RSBN1L: variants seen among roughly 807,000 people sequenced by gnomAD.
The protein encoded by RSBN1L is round spermatid basic protein 1 like.
Under a neutral mutation model 67.7 loss-of-function variants are expected in RSBN1L, and 30 were observed. The ratio of observed to expected loss-of-function variants is 0.44; its 90% confidence interval spans 0.33 to 0.60. The LOEUF is 0.60. Among genes scored for constraint, RSBN1L ranks in the 20% least tolerant of loss-of-function variants. The pLI is 0.02. For missense variants in RSBN1L, 992 were observed against 1,031.7 expected, an observed-to-expected ratio of 0.96 and a Z score of 0.53; for synonymous variants, 433 against 387.0, an observed-to-expected ratio of 1.12 and a Z score of -1.39.
At position 77,782,565 on chromosome 7, in the gene RSBN1L, C is replaced by T. The variant is rs189768502; in HGVS notation, c.*3397C>T. ...TTCATTATCTTCCTTGTCACCAAGG[C>T]TGTTGACCTTAAATAAACATTAAGT... On this transcript the variant is annotated 3_prime_UTR_variant, in exon 8 of 8. Coordinates refer to ENST00000334955, the MANE Select transcript of RSBN1L (RefSeq NM_198467.3). The T allele has an allele frequency of 2.3e-4, 35 of 152,294 alleles. No homozygotes were observed. The highest frequency in any genetic ancestry group is 7.9e-4 in the African/African-American group (33 of 41,560). The allele number at this position is 152,294 out of a possible 1,614,324, so 9.4% of individuals were successfully genotyped here.
At chr7:77,769,712 C>T (rs1791820724) in intron 5 of RSBN1L, among the ~76,000 whole-genome samples, 1 of 152,116 alleles carries the variant, frequency 6.6e-6, no homozygotes, top group African/African-American at 2.4e-5. Flanking sequence ...CAAGTGTAAA[C>T]AACCCAGTAG....
chr7:77,771,437 T>C (rs1791848583), intron 5 of RSBN1L, among the ~76,000 whole-genome samples: 1 of 152,060 alleles, frequency 6.6e-6, no homozygotes, highest in Non-Finnish European at 1.5e-5. Flanking sequence ...TGCTTAATAT[T>C]GGATGAATAA....
chr7:77,735,565 A>G (rs1179313592), intron 1 of RSBN1L, among the ~76,000 whole-genome samples: 1 of 152,192 alleles, frequency 6.6e-6, no homozygotes, highest in Non-Finnish European at 1.5e-5. Context: ...TTAAGAGATT[A>G]TGCAGTATGC....
At position 77,736,411 on chromosome 7, in the gene RSBN1L, T is replaced by G. The variant is rs759199747; in HGVS notation, c.588T>G (p.Asp196Glu). The change falls in exon 2 of 8, where the codon GAT becomes GAG. Residue 196 changes from aspartate (D) to glutamate (E), a missense_variant and splice_region_variant. Transcript: ENST00000334955. Reference sequence around the variant, plus strand: ...TATTTCCTTTGTTTTGTCTTCCAGATAAAATCAAAGACAAAATTAAAGAGA... The same window carrying G: ...TATTTCCTTTGTTTTGTCTTCCAGAGAAAATCAAAGACAAAATTAAAGAGA... Reference protein sequence around the residue: ...ENGEVKPLPRDKIKDKIKERD... With the variant: ...ENGEVKPLPREKIKDKIKERD... 2 of 1,022,148 alleles carry G rather than the reference T, an allele frequency of 2.0e-6. No individual in the cohort carries two copies. The highest frequency in any genetic ancestry group is 3.8e-5 in the Admixed American group (1 of 26,398). The allele number at this position is 1,022,148 out of a possible 1,614,324, so 63.3% of individuals were successfully genotyped here. A position where few individuals can be genotyped will look rare whatever the true frequency, so the allele number is the denominator to read the frequency against.
chr7:77,717,726 AG>A (rs986012178), intron 1 of RSBN1L, among the ~76,000 whole-genome samples: 4 of 152,216 alleles, frequency 2.6e-5, no homozygotes, highest in African/African-American at 9.6e-5. Flanking sequence ...CAGTTAAGAA[AG>A]GGACAAGGTC....
intron 1 of RSBN1L, among the ~76,000 whole-genome samples, chr7:77,726,031 T>A (rs887762988): frequency 1.3e-5 from 2 of 152,188 alleles, no homozygotes; most frequent in African/African-American, 4.8e-5. Context: ...TACATGTGTA[T>A]CTGTCTGTAT....
intron 2 of RSBN1L, among the ~76,000 whole-genome samples, chr7:77,741,207 G>A (rs1791405890): frequency 6.6e-6 from 1 of 151,212 alleles, no homozygotes; most frequent in South Asian, 2.1e-4. Context: ...GGCTGGTCTC[G>A]AACTCCTGAC....
At chr7:77,714,842 A>G (rs1791025071) in intron 1 of RSBN1L, among the ~76,000 whole-genome samples, 1 of 151,790 alleles carries the variant, frequency 6.6e-6, no homozygotes, top group Non-Finnish European at 1.5e-5. Context: ...AGGCGCCTGT[A>G]GTCCCAGCTA....
At chr7:77,764,874 G>A (rs747562718) in intron 3 of RSBN1L, among the ~76,000 whole-genome samples, 2 of 151,974 alleles carry the variant, frequency 1.3e-5, no homozygotes, top group African/African-American at 2.4e-5. Context: ...CTCATGATCC[G>A]CCTGCCTTGG....
intron 2 of RSBN1L, among the ~76,000 whole-genome samples, chr7:77,742,011 G>T (rs960636908): frequency 2.0e-5 from 3 of 151,816 alleles, no homozygotes; most frequent in Non-Finnish European, 2.9e-5. Flanking sequence ...CTCAGCATAT[G>T]GTTGTACTTA....
At chr7:77,750,715 T>A (rs1259303960) in intron 3 of RSBN1L, among the ~76,000 whole-genome samples, 1 of 152,206 alleles carries the variant, frequency 6.6e-6, no homozygotes, top group Non-Finnish European at 1.5e-5. Context: ...TGGGACTGTT[T>A]AGTCTGGAGA....
chr7:77,732,099 G>T (rs1791279121), intron 1 of RSBN1L, among the ~76,000 whole-genome samples: 2 of 152,036 alleles, frequency 1.3e-5, no homozygotes, highest in African/African-American at 4.8e-5. Flanking sequence ...TATGGTGTTA[G>T]AATTCTTACT....
intron 6 of RSBN1L, among the ~76,000 whole-genome samples, chr7:77,774,124 G>A (rs1791881257): frequency 6.6e-6 from 1 of 152,056 alleles, no homozygotes; most frequent in Non-Finnish European, 1.5e-5. Context: ...TCTTTGTTAT[G>A]TATTTGCTTT....
In RSBN1L at chr7:77,761,324, T is replaced by C. The variant is rs1352243512; in HGVS notation, c.1345-4171T>C. On this transcript the variant is annotated intron_variant, in intron 3 of 7. Transcript: ENST00000334955. ...AGAGTAGTTACGATTGTGCCTAATA[T>C]AGGAACTGATAGGTAAGAAGAAGAA... Among the ~76,000 whole-genome samples the C allele has an allele frequency of 4.6e-5, 7 of 152,188 alleles. 1 individual carries two copies. The East Asian group carries it at 1.2e-3, about 25-fold the overall frequency.
chr7:77,739,045 A>T (rs1791373617), intron 2 of RSBN1L, among the ~76,000 whole-genome samples: 1 of 152,214 alleles, frequency 6.6e-6, no homozygotes, highest in African/African-American at 2.4e-5. Flanking sequence ...TTGGGAAAAC[A>T]GTGCTTGTCG....
rs1791337814 is a variant in RSBN1L at position 77,736,494 on chromosome 7, AAG to A, written c.675_676del (p.Asn226TrpfsTer24). 1 of 1,306,254 alleles carries A rather than the reference AAG, an allele frequency of 7.7e-7. No homozygotes were observed. The highest frequency in any genetic ancestry group is 1.0e-6 in the Non-Finnish European group (1 of 953,908). 80.9% of individuals were successfully genotyped at this position (1,306,254 alleles called of 1,614,324 possible). A position where few individuals can be genotyped will look rare whatever the true frequency, so the allele number is the denominator to read the frequency against. The stretch of plus-strand genomic sequence containing the variant: ...CATAAAGTAATGAATGAGATCAAGA[AAG>A]AGAATGGAGAAGTAAAGATTTTGCT... On this transcript the variant is annotated frameshift_variant, in exon 2 of 8. Coordinates refer to ENST00000334955, the MANE Select transcript of RSBN1L (RefSeq NM_198467.3). LOFTEE classifies it high-confidence loss of function.
intron 6 of RSBN1L, among the ~76,000 whole-genome samples, 175 bp from the exon 7 acceptor site, chr7:77,778,163 A>G (rs1791943875): frequency 6.6e-6 from 1 of 152,230 alleles, no homozygotes; most frequent in African/African-American, 2.4e-5. Flanking sequence ...GTTGAAAGTC[A>G]TGGTGTTGGC....
chr7:77,742,877 T>A (rs962616452), intron 2 of RSBN1L, among the ~76,000 whole-genome samples: 1 of 152,098 alleles, frequency 6.6e-6, no homozygotes, highest in Non-Finnish European at 1.5e-5. Flanking sequence ...GTTTGCACAG[T>A]TTTGGCACAG....
At chr7:77,762,919 T>C (rs905589621) in intron 3 of RSBN1L, among the ~76,000 whole-genome samples, 4 of 152,186 alleles carry the variant, frequency 2.6e-5, no homozygotes, top group Non-Finnish European at 5.9e-5. Flanking sequence ...ATTCACTTAA[T>C]GAAAATTCTT....
Sources: gnomAD v4.1 joint callset for allele counts (sites outside exome capture counted in the v4.1 genomes callset) on GRCh38, gnomAD v4.1.1 for gene constraint, MANE v1.5 for transcripts, NCBI Gene and HGNC (gene_info 2026-07-23, HGNC 2026-07-21) for gene names.